Variants in SYN1 observed in about 807,000 individuals in gnomAD.
The protein encoded by SYN1 is synapsin-1.
Under a neutral mutation model 44.6 loss-of-function variants are expected in SYN1, and 8 were observed. That is an observed-to-expected ratio of 0.18 (90% CI 0.11 to 0.32). The LOEUF is 0.32. Ranked by LOEUF, SYN1 falls within the 10% of genes least tolerant of loss-of-function variation. The pLI, the probability that SYN1 is intolerant of heterozygous loss-of-function variation, is 1.00. For missense variants in SYN1, 451 were observed against 639.4 expected, an observed-to-expected ratio of 0.71 and a Z score of 3.18; for synonymous variants, 275 against 280.1, an observed-to-expected ratio of 0.98 and a Z score of 0.18.
intron 5 of SYN1, chrX:47,590,347 C>T (rs2057843726): frequency 9.0e-6 from 1 of 111,489 alleles, no homozygotes; most frequent in Non-Finnish European, 1.9e-5. Context: ...GTGTGGACTC[C>T]TCACCCTCAG....
intron 5 of SYN1, chrX:47,604,580 TA>T: frequency 4.7e-6 from 1 of 212,743 alleles, no homozygotes; most frequent in Non-Finnish European, 8.7e-6. Context: ...TTATTATTGA[TA>T]AATGTTATTG....
At chrX:47,610,460 C>A (rs896264004) in intron 1 of SYN1, among the ~76,000 whole-genome samples, 1 of 102,431 alleles carries the variant, frequency 9.8e-6, no homozygotes, top group African/African-American at 3.6e-5. Flanking sequence ...CCCTCAGAGT[C>A]TACCCCCCAC....
chrX:47,574,897 T>G, intron 10 of SYN1, 122 bp from the exon 11 acceptor site: 1 of 729,323 alleles, frequency 1.4e-6, no homozygotes, highest in Non-Finnish European at 2.1e-6. Flanking sequence ...GAGCTGAGGG[T>G]ACTCTGGGTT....
chrX:47,611,106 G>A (rs1236929966), intron 1 of SYN1, among the ~76,000 whole-genome samples: 12 of 111,576 alleles, frequency 1.1e-4, no homozygotes, highest in Non-Finnish European at 1.9e-4. Context: ...GTAGTTGTCA[G>A]AACCCCTACA....
intron 5 of SYN1, among the ~76,000 whole-genome samples, chrX:47,588,675 C>G (rs2057835996): frequency 8.9e-6 from 1 of 111,943 alleles, no homozygotes; most frequent in South Asian, 3.8e-4. Flanking sequence ...CATTACATCC[C>G]CCATTGCTCT....
intron 1 of SYN1, among the ~76,000 whole-genome samples, chrX:47,618,511 G>A (rs1191366877): frequency 9.0e-6 from 1 of 111,626 alleles, no homozygotes; most frequent in African/African-American, 3.3e-5. Flanking sequence ...GTCTGAAGAT[G>A]AGTCACACAA....
At chrX:47,593,759 TTCTC>T (rs750427166) in intron 5 of SYN1, among the ~76,000 whole-genome samples, 7 of 111,920 alleles carry the variant, frequency 6.3e-5, no homozygotes, top group Non-Finnish European at 1.3e-4. Flanking sequence ...CTTAAAAACT[TTCTC>T]TATTTCTTTT....
intron 1 of SYN1, among the ~76,000 whole-genome samples, chrX:47,609,005 G>GACACACAC (rs757667668): frequency 0.051 from 4,489 of 87,288 alleles, 118 homozygotes; most frequent in East Asian, 0.1. Context: ...CTCTCTCTCT[G>GACACACAC]ACACACACAC....
intron 3 of SYN1, among the ~76,000 whole-genome samples, chrX:47,606,730 A>AATATATAT (rs1176440504): frequency 3.7e-4 from 37 of 99,346 alleles, no homozygotes; most frequent in African/African-American, 1.4e-3. Context: ...CCCTGTCTGA[A>AATATATAT]ATATATATAT....
At chrX:47,591,463 A>G (rs1215458821) in intron 5 of SYN1, among the ~76,000 whole-genome samples, 3 of 111,253 alleles carry the variant, frequency 2.7e-5, no homozygotes, top group African/African-American at 9.8e-5. Context: ...GCTCACACCT[A>G]TAATCCCAGC....
chrX:47,605,615 CA>C (rs754174795), intron 3 of SYN1, among the ~76,000 whole-genome samples: 1 of 111,665 alleles, frequency 9.0e-6, no homozygotes, highest in East Asian at 2.8e-4. Flanking sequence ...GGTCAGCTTG[CA>C]GCTTACCGAC....
chrX:47,597,433 G>T (rs1373175901), intron 5 of SYN1, among the ~76,000 whole-genome samples: 2 of 110,538 alleles, frequency 1.8e-5, no homozygotes, highest in Non-Finnish European at 3.8e-5. Flanking sequence ...AGCTGGCAGG[G>T]TAAAGAATCA....
intron 1 of SYN1, among the ~76,000 whole-genome samples, chrX:47,613,131 C>CA (rs752216661): frequency 0.084 from 2,923 of 34,949 alleles, 18 homozygotes; most frequent in African/African-American, 0.096. Flanking sequence ...ACTCCGTCTC[C>CA]AAAAAAAAAA....
At chrX:47,593,452 A>C (rs1485170393) in intron 5 of SYN1, among the ~76,000 whole-genome samples, 1 of 109,582 alleles carries the variant, frequency 9.1e-6, no homozygotes, top group Non-Finnish European at 1.9e-5. Context: ...TATTTTTAGT[A>C]GAGATGGGGT....
chrX:47,579,740 C>T (rs747227109), intron 5 of SYN1, among the ~76,000 whole-genome samples: 3 of 111,635 alleles, frequency 2.7e-5, no homozygotes, highest in South Asian at 7.5e-4. Flanking sequence ...ACTTCTCCCT[C>T]GGAGGCACCA....
intron 1 of SYN1, among the ~76,000 whole-genome samples, chrX:47,608,702 G>C (rs944566808): frequency 4.6e-5 from 5 of 109,841 alleles, no homozygotes; most frequent in African/African-American, 1.7e-4. Context: ...CCCCGGGCCC[G>C]TCCCCAGCTG....
At chrX:47,573,872 G>A (rs1358408265) in intron 12 of SYN1, 130 bp downstream of exon 12, 1 of 604,784 alleles carries the variant, frequency 1.7e-6, no homozygotes, top group Non-Finnish European at 2.3e-6. Flanking sequence ...CTTGGCTCAG[G>A]CTGGAGAGAG....
intron 5 of SYN1, among the ~76,000 whole-genome samples, chrX:47,602,151 G>A (rs897144166): frequency 8.9e-6 from 1 of 111,750 alleles, no homozygotes; most frequent in African/African-American, 3.3e-5. Flanking sequence ...TATATGAGGC[G>A]GGAACTATTA....
rs138131735 is a variant in SYN1, at chrX:47,618,269, G to C, written c.377+1083C>G. Among the ~76,000 whole-genome samples, 161 of 111,833 alleles carry C rather than the reference G, an allele frequency of 1.4e-3. 3 individuals carry two copies. The East Asian group carries it at 0.035, about 24-fold the overall frequency. On this transcript the variant is annotated intron_variant, in intron 1 of 12. Transcript: ENST00000295987. ...TGAAGCCACTGGAGGAAAGGGTATT[G>C]CAGAAAGGGTTTGAGGGTGGGGTAT... is the stretch of plus-strand genomic sequence containing the variant.
Sources: gnomAD v4.1 joint callset for allele counts (sites outside exome capture counted in the v4.1 genomes callset) on GRCh38, gnomAD v4.1.1 for gene constraint, MANE v1.5 for transcripts, NCBI Gene and HGNC (gene_info 2026-07-23, HGNC 2026-07-21) for gene names.